Variants in MAPRE3 observed in about 807,000 individuals in gnomAD.
The protein encoded by MAPRE3 is microtubule-associated protein RP/EB family member 3.
A neutral mutation model predicts 30.5 loss-of-function variants in MAPRE3; 2 were observed. The ratio of observed to expected loss-of-function variants is 0.07; its 90% confidence interval spans 0.03 to 0.21. The LOEUF (loss-of-function observed/expected upper bound fraction) is 0.21, where lower values mean the gene tolerates loss of function less well. Among genes scored for constraint, MAPRE3 ranks in the 10% least tolerant of loss-of-function variants. MAPRE3 has a pLI of 1.00. For missense variants in MAPRE3, 204 were observed against 351.8 expected, an observed-to-expected ratio of 0.58 and a Z score of 3.36; for synonymous variants, 110 against 127.7, an observed-to-expected ratio of 0.86 and a Z score of 0.93.
intron 1 of MAPRE3, among the ~76,000 whole-genome samples, chr2:27,008,242 T>C (rs1360015848): frequency 6.6e-6 from 1 of 152,156 alleles, no homozygotes; most frequent in African/African-American, 2.4e-5. Flanking sequence ...AATTATGGCA[T>C]CTGGAAAAAT....
intron 1 of MAPRE3, among the ~76,000 whole-genome samples, chr2:26,998,729 C>A (rs566414846): frequency 1.3e-5 from 2 of 152,308 alleles, no homozygotes; most frequent in African/African-American, 4.8e-5. Flanking sequence ...CTAGGCTAAC[C>A]CAGCCCAGAG....
chr2:26,973,816 A>G (rs1260573385), intron 1 of MAPRE3, among the ~76,000 whole-genome samples: 1 of 152,164 alleles, frequency 6.6e-6, no homozygotes, highest in Non-Finnish European at 1.5e-5. Context: ...CGGCCTCCCA[A>G]AGTGCTGGGA....
intron 1 of MAPRE3, among the ~76,000 whole-genome samples, chr2:26,987,239 T>TTACA (rs1254805290): frequency 6.6e-6 from 1 of 152,242 alleles, no homozygotes; most frequent in Non-Finnish European, 1.5e-5. Flanking sequence ...ATTTTCATAT[T>TTACA]TACAGATGAA....
At chr2:27,005,984 C>CA (rs1257118011) in intron 1 of MAPRE3, among the ~76,000 whole-genome samples, 1 of 152,146 alleles carries the variant, frequency 6.6e-6, no homozygotes, top group Non-Finnish European at 1.5e-5. Context: ...AGATCGAGAT[C>CA]ATCCTTGCTA....
chr2:27,020,246 A>G (rs1667082231), intron 1 of MAPRE3, among the ~76,000 whole-genome samples: 1 of 152,236 alleles, frequency 6.6e-6, no homozygotes, highest in African/African-American at 2.4e-5. Flanking sequence ...ATAAGTGGTC[A>G]GGAGGAGTCA....
chr2:27,015,423 T>A lies in MAPRE3; in HGVS notation c.-7-6789T>A, dbSNP rs1666961455. Among the ~76,000 whole-genome samples, 1 of 152,212 alleles carries A rather than the reference T, an allele frequency of 6.6e-6. No individual in the cohort carries two copies. Among genetic ancestry groups the A allele is most frequent in the Non-Finnish European group, 1.5e-5 (1 of 68,038 alleles). The stretch of plus-strand genomic sequence containing the variant: ...ACAACTAGGATTTGAACCCACCTGA[T>A]GTGCCTGGAGATCTAGTGTTCTTAA... On this transcript the variant is annotated intron_variant, in intron 1 of 6. Coordinates refer to ENST00000233121, the MANE Select transcript of MAPRE3 (RefSeq NM_012326.4). The surrounding 1 kb of genome is among the most constrained non-coding windows in gnomAD (Gnocchi z 4.0).
chr2:27,017,086 G>C (rs1043728305), intron 1 of MAPRE3, among the ~76,000 whole-genome samples: 3 of 152,332 alleles, frequency 2.0e-5, no homozygotes, highest in Middle Eastern at 3.4e-3. Context: ...CCAAAGCTAC[G>C]AGAGGAAAAT....
intron 1 of MAPRE3, among the ~76,000 whole-genome samples, chr2:27,016,381 C>CT (rs567480969): frequency 0.02 from 2,491 of 123,026 alleles, 41 homozygotes; most frequent in African/African-American, 0.036. Flanking sequence ...CAGGTTATGT[C>CT]TTTTTTTTTT....
At chr2:26,994,060 T>G (rs538981582) in intron 1 of MAPRE3, among the ~76,000 whole-genome samples, 1 of 152,350 alleles carries the variant, frequency 6.6e-6, no homozygotes, top group South Asian at 2.1e-4. Flanking sequence ...TGCATTTGCC[T>G]ACTTTGAAAG....
At chr2:26,975,461 G>A (rs944234180) in intron 1 of MAPRE3, among the ~76,000 whole-genome samples, 1 of 152,140 alleles carries the variant, frequency 6.6e-6, no homozygotes, top group African/African-American at 2.4e-5. Flanking sequence ...AGTAATTAAA[G>A]AACCAGGGCA....
intron 1 of MAPRE3, among the ~76,000 whole-genome samples, chr2:26,991,019 C>A (rs761006845): frequency 1.5e-4 from 23 of 152,124 alleles, no homozygotes; most frequent in Non-Finnish European, 2.5e-4. Context: ...TTTGGGAGGC[C>A]GAGGCGGGCG....
chr2:27,001,498 A>T (rs1196010446), intron 1 of MAPRE3, among the ~76,000 whole-genome samples: 1 of 152,158 alleles, frequency 6.6e-6, no homozygotes, highest in African/African-American at 2.4e-5. Context: ...ACAGAGTGAG[A>T]TCCCATCATT....
Position 26,985,944 on chromosome 2 carries a change from C to T in MAPRE3, c.-8+15142C>T, listed in dbSNP as rs910790710. 2.0e-5 allele frequency among the ~76,000 whole-genome samples: 3 copies of T among 152,032 alleles called. No homozygotes were observed. Among genetic ancestry groups the T allele is most frequent in the Non-Finnish European group, 4.4e-5 (3 of 67,992 alleles). On this transcript the variant is annotated intron_variant, in intron 1 of 6. Transcript: ENST00000233121. The surrounding 1 kb of genome is among the most constrained non-coding windows in gnomAD (Gnocchi z 4.2). ...GCCTTCAGAGGGAGGGCAGCCCTACCGATGCTGTGATGCTGGACTTCTGGC... is the reference window on the plus strand; with the variant it reads ...GCCTTCAGAGGGAGGGCAGCCCTACTGATGCTGTGATGCTGGACTTCTGGC...
intron 1 of MAPRE3, among the ~76,000 whole-genome samples, chr2:26,976,346 A>G: frequency 6.6e-6 from 1 of 152,224 alleles, no homozygotes; most frequent in East Asian, 1.9e-4. Flanking sequence ...CACACCTATC[A>G]TTTGGACATG....
intron 1 of MAPRE3, among the ~76,000 whole-genome samples, chr2:27,016,463 C>G (rs916403910): frequency 2.0e-5 from 3 of 150,356 alleles, no homozygotes; most frequent in Non-Finnish European, 4.4e-5. Flanking sequence ...TGGCTCACTG[C>G]AAGCTCCGCC....
intron 1 of MAPRE3, among the ~76,000 whole-genome samples, chr2:26,993,215 A>G (rs6547360): frequency 0.024 from 3,585 of 152,152 alleles, 166 homozygotes; most frequent in African/African-American, 0.083. Context: ...CTAAAAATAC[A>G]AAAACTTAGC....
intron 1 of MAPRE3, among the ~76,000 whole-genome samples, chr2:27,004,240 A>C (rs1447904466): frequency 6.6e-6 from 1 of 152,150 alleles, no homozygotes; most frequent in Non-Finnish European, 1.5e-5. Context: ...TTCATGCACC[A>C]TGCTGCCCGT....
At chr2:26,991,106 T>G (rs1666332223) in intron 1 of MAPRE3, among the ~76,000 whole-genome samples, 1 of 152,110 alleles carries the variant, frequency 6.6e-6, no homozygotes, top group African/African-American at 2.4e-5. Flanking sequence ...ACAAAAAAAT[T>G]AGCCAGGCGT....
chr2:26,975,806 T>C (rs1211070951), intron 1 of MAPRE3, among the ~76,000 whole-genome samples: 1 of 152,050 alleles, frequency 6.6e-6, no homozygotes, highest in Non-Finnish European at 1.5e-5. Context: ...CTGGGGCAAA[T>C]AGGGTTTGAC....
Sources: allele counts gnomAD v4.1 joint callset (sites outside exome capture counted in the v4.1 genomes callset), GRCh38; gene constraint gnomAD v4.1.1; non-coding constraint Gnocchi (gnomAD v3.1); transcripts MANE v1.5; gene names NCBI Gene and HGNC (gene_info 2026-07-23, HGNC 2026-07-21).